Variants in RIPOR2 observed in about 807,000 individuals in gnomAD.
The protein encoded by RIPOR2 is RHO family interacting cell polarization regulator 2.
A neutral mutation model predicts 114.5 loss-of-function variants in RIPOR2; 39 were observed. That is an observed-to-expected ratio of 0.34 (90% CI 0.26 to 0.44). The LOEUF is 0.44. Ranked by LOEUF, RIPOR2 falls within the 20% of genes least tolerant of loss-of-function variation. The probability of loss-of-function intolerance (pLI) is 1.00; values close to 1 mark genes in which losing one functional copy is unlikely to be tolerated. For missense variants in RIPOR2, 1,007 were observed against 1,255.1 expected (o/e 0.80, Z 2.99); for synonymous variants, 445 against 484.4 (o/e 0.92, Z 1.07).
intron 1 of RIPOR2, among the ~76,000 whole-genome samples, chr6:24,945,528 G>A (rs953844864): frequency 1.8e-4 from 27 of 152,184 alleles, no homozygotes; most frequent in Admixed American, 7.8e-4. Context: ...AGACAATTGC[G>A]TAAAACAATA....
chr6:24,891,689 T>C (rs1187592225), intron 1 of RIPOR2, among the ~76,000 whole-genome samples: 2 of 152,156 alleles, frequency 1.3e-5, no homozygotes, highest in Non-Finnish European at 2.9e-5. Flanking sequence ...ATTACTTGTA[T>C]TCTGAGCCCA....
At chr6:24,861,834 A>G (rs558122751) in intron 7 of RIPOR2, among the ~76,000 whole-genome samples, 29 of 152,212 alleles carry the variant, frequency 1.9e-4, no homozygotes, top group Non-Finnish European at 3.8e-4. Flanking sequence ...GCCAAATATT[A>G]CCAATTGGTA....
chr6:24,881,750 C>T (rs905271782), intron 1 of RIPOR2, among the ~76,000 whole-genome samples: 8 of 152,020 alleles, frequency 5.3e-5, no homozygotes, highest in Non-Finnish European at 8.8e-5. Context: ...ATGCTATGAG[C>T]GACCACCTGA....
chr6:24,871,001 T>C (rs1167861807), intron 4 of RIPOR2, 112 bp from the exon 5 acceptor site: 1 of 608,394 alleles, frequency 1.6e-6, no homozygotes, highest in Admixed American at 3.9e-5. Flanking sequence ...ATAATGATCA[T>C]CCCTACAAAA....
chr6:24,865,591 G>A (rs1238276664), intron 6 of RIPOR2, 141 bp from the exon 7 acceptor site: 1 of 671,378 alleles, frequency 1.5e-6, no homozygotes, highest in Admixed American at 3.8e-5. Flanking sequence ...TTTAGATAGG[G>A]ACCAATCGTT....
At chr6:24,928,716 C>A (rs1289845544) in intron 1 of RIPOR2, among the ~76,000 whole-genome samples, 1 of 152,222 alleles carries the variant, frequency 6.6e-6, no homozygotes, top group African/African-American at 2.4e-5. Context: ...CGGAAGGCAG[C>A]AACGTCTTTC....
chr6:24,930,819 A>G (rs1771331024), intron 1 of RIPOR2, among the ~76,000 whole-genome samples: 1 of 152,266 alleles, frequency 6.6e-6, no homozygotes, highest in South Asian at 2.1e-4. Flanking sequence ...AACCCAGGAA[A>G]CTAGGGCAGC....
At chr6:24,818,780 A>G (rs1481721083) in intron 19 of RIPOR2, among the ~76,000 whole-genome samples, 155 bp from the exon 20 acceptor site, 1 of 152,118 alleles carries the variant, frequency 6.6e-6, no homozygotes, top group African/African-American at 2.4e-5. Flanking sequence ...TGAAATTCAT[A>G]TTAATTAAAA....
intron 8 of RIPOR2, among the ~76,000 whole-genome samples, chr6:24,856,206 T>A (rs1763459140): frequency 6.6e-6 from 1 of 152,072 alleles, no homozygotes; most frequent in Admixed American, 6.6e-5. Context: ...CACCAGCTCG[T>A]CCGTGCCTTC....
chr6:24,927,761 C>T (rs1214496522), intron 1 of RIPOR2, among the ~76,000 whole-genome samples: 1 of 152,134 alleles, frequency 6.6e-6, no homozygotes. Context: ...ATTGAATCTT[C>T]TCAGGGGTTA....
rs964876695 is a variant in RIPOR2, at chr6:25,037,297, C to G, written c.76+4554G>C. Among the ~76,000 whole-genome samples the G allele has an allele frequency of 6.6e-6, 1 of 152,200 alleles. No homozygotes were observed. Among genetic ancestry groups the G allele is most frequent in the African/African-American group, 2.4e-5 (1 of 41,450 alleles). The stretch of plus-strand genomic sequence containing the variant: ...TTATATACTTTTCAGGGTTTCTTTC[C>G]TTTAATCGCCCACCCCAACTGTGGC... On this transcript the variant is annotated intron_variant, in intron 1 of 13. Coordinates refer to the RIPOR2 transcript ENST00000510784. The surrounding 1 kb of genome is among the most constrained non-coding windows in gnomAD (Gnocchi z 4.5).
At chr6:24,977,042 C>T in intron 1 of RIPOR2, 1 of 1,403,470 alleles carries the variant, frequency 7.1e-7, no homozygotes, top group South Asian at 1.2e-5. Flanking sequence ...GGAGAGCACC[C>T]CTCCACCCCA....
chr6:24,877,078 C>T, intron 1 of RIPOR2: 3 of 985,182 alleles, frequency 3.0e-6, no homozygotes, highest in South Asian at 4.7e-5. Flanking sequence ...TGCAGAGTGT[C>T]GACAATTGCC....
chr6:24,877,115 T>TA lies in RIPOR2; in HGVS notation c.62-1299dup, dbSNP rs769071790. 4.7e-4 allele frequency: 460 copies of TA among 984,684 alleles called. 1 individual carries two copies. Among genetic ancestry groups the TA allele is most frequent in the East Asian group, 8.0e-4 (7 of 8,792 alleles). 61.0% of individuals were successfully genotyped at this position (984,684 alleles called of 1,614,324 possible). ...TTTAAAGACTCAAAGAAAGAAAAGC[T>TA]AAAAAAAACAACAGCAGCAGAACTC... On this transcript the variant is annotated intron_variant, in intron 1 of 21. Transcript: ENST00000643898.
chr6:24,852,028 C>T (rs187620225), intron 9 of RIPOR2, among the ~76,000 whole-genome samples: 397 of 9,182 alleles, frequency 0.043, 3 homozygotes, highest in African/African-American at 0.12. Flanking sequence ...GAAGGGTGGG[C>T]GGGGGGGAAT....
chr6:24,960,025 T>C (rs418145), intron 1 of RIPOR2, among the ~76,000 whole-genome samples: 121,024 of 152,198 alleles, frequency 0.8, 51,681 homozygotes, highest in East Asian at 0.96. Flanking sequence ...TCTAAACGTG[T>C]TACAAGTTCA....
At chr6:24,970,246 G>A (rs1022407510) in intron 1 of RIPOR2, among the ~76,000 whole-genome samples, 4 of 152,118 alleles carry the variant, frequency 2.6e-5, no homozygotes, top group African/African-American at 9.7e-5. Flanking sequence ...TGAGGTATGT[G>A]GTGTTATGAA....
At chr6:24,831,121 G>C (rs1453523617) in intron 16 of RIPOR2, among the ~76,000 whole-genome samples, 1 of 152,152 alleles carries the variant, frequency 6.6e-6, no homozygotes, top group East Asian at 1.9e-4. Context: ...TTAGTTTTCA[G>C]ATGGAACTAG....
chr6:24,905,170 G>A (rs975784547), intron 1 of RIPOR2, among the ~76,000 whole-genome samples: 2 of 152,164 alleles, frequency 1.3e-5, no homozygotes, highest in South Asian at 2.1e-4. Context: ...TCAACCTAGA[G>A]TGTGTTTCCT....
Sources: gnomAD v4.1 joint callset for allele counts (sites outside exome capture counted in the v4.1 genomes callset) on GRCh38, gnomAD v4.1.1 for gene constraint, Gnocchi (gnomAD v3.1) non-coding constraint, MANE v1.5 for transcripts, NCBI Gene and HGNC (gene_info 2026-07-23, HGNC 2026-07-21) for gene names.